NRXN1: variants seen among roughly 807,000 people sequenced by gnomAD.
NRXN1 encodes neurexin 1, also known as neurexin-1.
NRXN1 carries 39 observed loss-of-function variants against 150.9 expected under a neutral mutation model. The observed-to-expected ratio is 0.26, with a 90% CI of 0.20 to 0.34. The LOEUF (loss-of-function observed/expected upper bound fraction) is 0.34. Among genes scored for constraint, NRXN1 ranks in the 10% least tolerant of loss-of-function variants. NRXN1 has a pLI of 1.00. For missense variants in NRXN1, 1,815 were observed against 1,949.9 expected (o/e 0.93, Z 1.30); for synonymous variants, 924 against 757.0 (o/e 1.22, Z -3.62).
chr2:50,068,529 G>A (rs1196126715), intron 19 of NRXN1, among the ~76,000 whole-genome samples: 1 of 152,072 alleles, frequency 6.6e-6, no homozygotes, highest in Admixed American at 6.6e-5. Flanking sequence ...TTCAAATCTT[G>A]GCTTCAATAT....
intron 2 of NRXN1, among the ~76,000 whole-genome samples, chr2:50,954,361 G>T (rs991345580): frequency 1.3e-5 from 2 of 152,242 alleles, no homozygotes; most frequent in African/African-American, 4.8e-5. Flanking sequence ...CAATTCTCAA[G>T]CTCTCTACAT....
At position 50,665,136 on chromosome 2, in the gene NRXN1, G is replaced by T. The variant is rs148884241; in HGVS notation, c.833-41521C>A. 4.3e-3 allele frequency among the ~76,000 whole-genome samples: 653 copies of T among 151,994 alleles called. 4 individuals carry two copies. The highest frequency in any genetic ancestry group is 0.015 in the African/African-American group (606 of 41,502). Reference sequence around the variant, plus strand: ...ATGCACAAATGAAAAAGAGATTAAAGAATTTGTGTGACCTACAATAAGGTC... The same window carrying T: ...ATGCACAAATGAAAAAGAGATTAAATAATTTGTGTGACCTACAATAAGGTC... On this transcript the variant is annotated intron_variant, in intron 5 of 22. Coordinates refer to ENST00000401669, the MANE Select transcript of NRXN1 (RefSeq NM_001330078.2).
At chr2:50,593,141 G>A (rs76077138) in intron 8 of NRXN1, among the ~76,000 whole-genome samples, 3,941 of 152,252 alleles carry the variant, frequency 0.026, 166 homozygotes, top group African/African-American at 0.09. Context: ...ATCTCTGATC[G>A]TGTGTTATTT....
intron 5 of NRXN1, among the ~76,000 whole-genome samples, chr2:50,867,724 T>G (rs1677142206): frequency 6.6e-6 from 1 of 151,814 alleles, no homozygotes; most frequent in South Asian, 2.1e-4. Flanking sequence ...TAAAAAGCAC[T>G]TTGGCTACAT....
At chr2:50,292,017 T>C (rs1263497332) in intron 17 of NRXN1, among the ~76,000 whole-genome samples, 1 of 152,162 alleles carries the variant, frequency 6.6e-6, no homozygotes, top group South Asian at 2.1e-4. Context: ...GCCACAGCAC[T>C]GCAACCATTC....
chr2:50,241,515 T>TATGA (rs1227279671), intron 17 of NRXN1, among the ~76,000 whole-genome samples: 1 of 151,808 alleles, frequency 6.6e-6, no homozygotes, highest in African/African-American at 2.4e-5. Context: ...TCGCTGAATG[T>TATGA]ATGAATGACT....
chr2:50,328,579 C>T (rs2076539350), intron 17 of NRXN1, among the ~76,000 whole-genome samples: 1 of 149,726 alleles, frequency 6.7e-6, no homozygotes, highest in Non-Finnish European at 1.5e-5. Flanking sequence ...ACGAAAAATA[C>T]AAAAAAAAAT....
chr2:50,616,960 G>T (rs1237254190), intron 8 of NRXN1, among the ~76,000 whole-genome samples: 1 of 152,194 alleles, frequency 6.6e-6, no homozygotes, highest in Non-Finnish European at 1.5e-5. Flanking sequence ...GATTCTGTGA[G>T]AATGAACATG....
chr2:50,889,321 C>A (rs1037113052), intron 5 of NRXN1, among the ~76,000 whole-genome samples: 16 of 151,688 alleles, frequency 1.1e-4, no homozygotes, highest in Admixed American at 9.2e-4. Context: ...TTTGTGTACT[C>A]TTGCATATTA....
intron 5 of NRXN1, among the ~76,000 whole-genome samples, chr2:50,730,941 G>C (rs185773251): frequency 4.6e-4 from 70 of 152,174 alleles, no homozygotes; most frequent in African/African-American, 1.6e-3. Flanking sequence ...CCAAAGTGCT[G>C]GGATTACAGG....
In NRXN1 at chr2:50,178,884, G is replaced by C. The variant is rs1172195533; in HGVS notation, c.3546+57905C>G. On this transcript the variant is annotated intron_variant, in intron 18 of 22. Coordinates refer to ENST00000401669, the MANE Select transcript of NRXN1 (RefSeq NM_001330078.2). ...GTAGTTGAAATCAGGCAGTAGTCTG[G>C]GGAAAATGGGGAATCCAAGAACAAA... Among the ~76,000 whole-genome samples, 4 of 152,106 alleles carry C rather than the reference G, an allele frequency of 2.6e-5. No homozygotes were observed. The East Asian group carries it at 7.7e-4, about 29-fold the overall frequency.
At chr2:50,830,158 AT>A (rs1671216147) in intron 5 of NRXN1, among the ~76,000 whole-genome samples, 1 of 151,804 alleles carries the variant, frequency 6.6e-6, no homozygotes, top group Non-Finnish European at 1.5e-5. Flanking sequence ...GCTCATTTTT[AT>A]TTATGCTCTT....
intron 22 of NRXN1, among the ~76,000 whole-genome samples, chr2:49,935,625 T>A (rs1670896919): frequency 6.6e-6 from 1 of 152,192 alleles, no homozygotes; most frequent in Non-Finnish European, 1.5e-5. Flanking sequence ...TTGGAGCATA[T>A]GTGCCAACAA....
intron 21 of NRXN1, among the ~76,000 whole-genome samples, chr2:50,013,747 T>C (rs1304377223): frequency 6.6e-6 from 1 of 152,176 alleles, no homozygotes; most frequent in African/African-American, 2.4e-5. Context: ...TAACAAAAGT[T>C]CAATGACTGG....
At position 50,363,424 on chromosome 2, in the gene NRXN1, G is replaced by A. The variant is rs185804967; in HGVS notation, c.3364+102018C>T. On this transcript the variant is annotated intron_variant, in intron 17 of 22. Coordinates refer to ENST00000401669, the MANE Select transcript of NRXN1 (RefSeq NM_001330078.2). Reference sequence around the variant, plus strand: ...AAAACAAACAACCCCATCAAAAGGCGGGCAAAGGATATGAACAGACACTTT... The same window carrying A: ...AAAACAAACAACCCCATCAAAAGGCAGGCAAAGGATATGAACAGACACTTT... Among the ~76,000 whole-genome samples the A allele has an allele frequency of 1.8e-3, 275 of 152,204 alleles. 1 individual carries two copies. The highest frequency in any genetic ancestry group is 3.5e-3 in the Non-Finnish European group (235 of 68,006).
intron 17 of NRXN1, among the ~76,000 whole-genome samples, chr2:50,312,329 C>T (rs575704276): frequency 6.6e-6 from 1 of 151,714 alleles, no homozygotes; most frequent in Non-Finnish European, 1.5e-5. Context: ...GGAGGACAGT[C>T]ATAGTATGCA....
intron 5 of NRXN1, among the ~76,000 whole-genome samples, chr2:50,704,889 T>G (rs858934): frequency 0.022 from 3,333 of 152,116 alleles, 67 homozygotes; most frequent in Non-Finnish European, 0.035. Flanking sequence ...CCTCATATTT[T>G]TCTCACGAAA....
chr2:50,881,088 G>C (rs1679357148), intron 5 of NRXN1, among the ~76,000 whole-genome samples: 1 of 151,876 alleles, frequency 6.6e-6, no homozygotes, highest in Non-Finnish European at 1.5e-5. Context: ...ACTTTATTCA[G>C]ATGAACTTAC....
chr2:50,014,358 A>G (rs1053042057), intron 21 of NRXN1, among the ~76,000 whole-genome samples: 1 of 152,094 alleles, frequency 6.6e-6, no homozygotes, highest in Non-Finnish European at 1.5e-5. Flanking sequence ...AACTTCATGT[A>G]TGTCCTTGTG....
Sources: gnomAD v4.1 joint callset for allele counts (sites outside exome capture counted in the v4.1 genomes callset) on GRCh38, gnomAD v4.1.1 for gene constraint, MANE v1.5 for transcripts, NCBI Gene and HGNC (gene_info 2026-07-23, HGNC 2026-07-21) for gene names.